BCL2: variants seen among roughly 807,000 people sequenced by gnomAD.
BCL2 encodes apoptosis regulator Bcl-2.
Under a neutral mutation model 14.2 loss-of-function variants are expected in BCL2, and 1 was observed. That is an observed-to-expected ratio of 0.07 (90% CI 0.02 to 0.33). BCL2 has a LOEUF of 0.33. BCL2 is among the 10% of genes least tolerant of loss of function. BCL2 has a pLI of 0.99. For synonymous variants in BCL2, 151 were observed against 137.2 expected (o/e 1.10, Z -0.70); for missense variants, 247 against 305.9 (o/e 0.81, Z 1.44).
intron 2 of BCL2, among the ~76,000 whole-genome samples, chr18:63,309,514 A>G (rs1913240021): frequency 6.6e-6 from 1 of 152,162 alleles, no homozygotes; most frequent in African/African-American, 2.4e-5. Flanking sequence ...CATTCCTCAC[A>G]TTCGACCTGC....
At chr18:63,134,586 C>T (rs1442747934) in intron 2 of BCL2, among the ~76,000 whole-genome samples, 2 of 152,172 alleles carry the variant, frequency 1.3e-5, no homozygotes, top group South Asian at 2.1e-4. Flanking sequence ...TAAGCAAATT[C>T]GAAATTCAGC....
chr18:63,205,624 A>G (rs1286792905), intron 2 of BCL2, among the ~76,000 whole-genome samples: 1 of 152,220 alleles, frequency 6.6e-6, no homozygotes, highest in Non-Finnish European at 1.5e-5. Context: ...TTCGAACACT[A>G]CGAAAAGAAA....
chr18:63,171,471 G>A (rs558753887), intron 2 of BCL2, among the ~76,000 whole-genome samples: 1 of 152,340 alleles, frequency 6.6e-6, no homozygotes, highest in Non-Finnish European at 1.5e-5. Flanking sequence ...TGGCCCAGGA[G>A]CATTCAGAAG....
intron 2 of BCL2, among the ~76,000 whole-genome samples, chr18:63,311,139 T>C (rs901205921): frequency 4.2e-5 from 6 of 141,602 alleles, no homozygotes; most frequent in Non-Finnish European, 7.9e-5. Context: ...AGATATAGCA[T>C]TGAACTAAGA....
intron 2 of BCL2, among the ~76,000 whole-genome samples, chr18:63,291,899 T>TG (rs1251813170): frequency 2.6e-5 from 4 of 152,300 alleles, no homozygotes; most frequent in African/African-American, 9.6e-5. Flanking sequence ...CAAGGTGGTT[T>TG]GGGGAAACAG....
chr18:63,282,913 G>T (rs1443386849), intron 2 of BCL2, among the ~76,000 whole-genome samples: 2 of 152,090 alleles, frequency 1.3e-5, no homozygotes, highest in South Asian at 2.1e-4. Flanking sequence ...GTAAATTACT[G>T]ATCTGTACCA....
chr18:63,137,358 G>A (rs1479713650), intron 2 of BCL2, among the ~76,000 whole-genome samples: 1 of 152,168 alleles, frequency 6.6e-6, no homozygotes, highest in Non-Finnish European at 1.5e-5. Context: ...GGAGGTGCAG[G>A]ACCATGTTTT....
chr18:63,168,569 T>C (rs1041414617), intron 2 of BCL2, among the ~76,000 whole-genome samples: 5 of 152,162 alleles, frequency 3.3e-5, no homozygotes, highest in Non-Finnish European at 7.4e-5. Context: ...AGGAGGCTTA[T>C]CGTCATCCAT....
At chr18:63,139,310 C>T (rs1240423348) in intron 2 of BCL2, among the ~76,000 whole-genome samples, 2 of 152,196 alleles carry the variant, frequency 1.3e-5, no homozygotes, top group Non-Finnish European at 2.9e-5. Context: ...AATAGTTATG[C>T]TATTTGGTTC....
chr18:63,249,632 C>T (rs1280752350), intron 2 of BCL2, among the ~76,000 whole-genome samples: 1 of 148,624 alleles, frequency 6.7e-6, no homozygotes, highest in Non-Finnish European at 1.5e-5. Flanking sequence ...ATCGCTTGAA[C>T]CCAGGAGGCG....
In BCL2 at chr18:63,318,763, A is replaced by G; in HGVS notation, c.-97T>C. On this transcript the variant is annotated 5_prime_UTR_variant, in exon 2 of 3. Coordinates refer to ENST00000333681, the MANE Select transcript of BCL2 (RefSeq NM_000633.3). The surrounding 1 kb of genome is among the most constrained non-coding windows in gnomAD (Gnocchi z 7.4). ...AAAGAAGAGGAGTTATAATCCAGCT[A>G]TTTTATTGGATGTGCTTTGCATTCT... The G allele has an allele frequency of 2.6e-6, 4 of 1,542,136 alleles. No individual in the cohort carries two copies. Among genetic ancestry groups the G allele is most frequent in the South Asian group, 2.4e-5 (2 of 82,288 alleles).
At chr18:63,244,770 G>A (rs1911107765) in intron 2 of BCL2, among the ~76,000 whole-genome samples, 2 of 152,128 alleles carry the variant, frequency 1.3e-5, no homozygotes, top group Admixed American at 6.6e-5. Context: ...AAAATCTCAA[G>A]GAAAGAAAGA....
In BCL2 at chr18:63,318,966, G is replaced by A. The variant is rs1184978293; in HGVS notation, c.-286-14C>T. Reference sequence around the variant, plus strand: ...TCCTCTGTGATGCTGAAAGGTTAAAGAAAAAACAAACTAATAAGTAAAAAA... The same window carrying A: ...TCCTCTGTGATGCTGAAAGGTTAAAAAAAAAACAAACTAATAAGTAAAAAA... On this transcript the variant is annotated splice_polypyrimidine_tract_variant and intron_variant, in intron 1 of 2. Transcript: ENST00000333681. This position sits in a 1 kb window ranked among gnomAD's most constrained non-coding sequence, Gnocchi z 7.4. The A allele has an allele frequency of 7.8e-7, 1 of 1,282,156 alleles. No homozygotes were observed. Among genetic ancestry groups the A allele is most frequent in the South Asian group, 2.0e-5 (1 of 50,496 alleles). The allele number at this position is 1,282,156 out of a possible 1,614,324, so 79.4% of individuals were successfully genotyped here.
At position 63,175,111 on chromosome 18, in the gene BCL2, C is replaced by T. The variant is rs73469402; in HGVS notation, c.586-46352G>A. The stretch of plus-strand genomic sequence containing the variant: ...CCACAAGCACTTCCTCAGTCACTCT[C>T]CAAAGCTTGGATAAAGTTCATTCCC... On this transcript the variant is annotated intron_variant, in intron 2 of 2. Coordinates refer to ENST00000333681, the MANE Select transcript of BCL2 (RefSeq NM_000633.3). 1.0e-2 allele frequency among the ~76,000 whole-genome samples: 1,522 copies of T among 152,240 alleles called. 20 individuals are homozygous for T. The highest frequency in any genetic ancestry group is 0.034 in the African/African-American group (1,427 of 41,532).
chr18:63,246,609 T>C (rs1911157037), intron 2 of BCL2, among the ~76,000 whole-genome samples: 1 of 152,074 alleles, frequency 6.6e-6, no homozygotes, highest in Admixed American at 6.5e-5. Flanking sequence ...TCCCATGACA[T>C]GTGGGAATTG....
At chr18:63,206,014 T>C (rs933589956) in intron 2 of BCL2, among the ~76,000 whole-genome samples, 3 of 152,206 alleles carry the variant, frequency 2.0e-5, no homozygotes, top group African/African-American at 7.2e-5. Flanking sequence ...CCTTTGAACT[T>C]GTACCTTCCT....
chr18:63,163,838 G>T (rs1311635234), intron 2 of BCL2, among the ~76,000 whole-genome samples: 1 of 152,214 alleles, frequency 6.6e-6, no homozygotes, highest in Admixed American at 6.5e-5. Context: ...AAGTCACATA[G>T]TGGCTAAGCT....
rs533737184 is a variant in BCL2 at position 63,225,402 on chromosome 18, CA to C, written c.585+92679del. Among the ~76,000 whole-genome samples, 521 of 152,116 alleles carry C rather than the reference CA, an allele frequency of 3.4e-3. 2 individuals carry two copies. The highest frequency in any genetic ancestry group is 0.016 in the South Asian group (79 of 4,814). The stretch of plus-strand genomic sequence containing the variant: ...ATGAAACAAAAGATAACAGTATATA[CA>C]TTATTTAGAAATGCAGAGACATATA... On this transcript the variant is annotated intron_variant, in intron 2 of 2. Transcript: ENST00000333681.
intron 2 of BCL2, among the ~76,000 whole-genome samples, chr18:63,266,613 TCTC>T (rs1325103394): frequency 1.1e-4 from 16 of 148,178 alleles, no homozygotes; most frequent in Non-Finnish European, 1.9e-4. Context: ...AATCTCTCTC[TCTC>T]TCTCTCTCTC....
Sources: gnomAD v4.1 joint callset for allele counts (sites outside exome capture counted in the v4.1 genomes callset) on GRCh38, gnomAD v4.1.1 for gene constraint, Gnocchi (gnomAD v3.1) non-coding constraint, MANE v1.5 for transcripts, NCBI Gene and HGNC (gene_info 2026-07-23, HGNC 2026-07-21) for gene names.